Variants in PMS1 observed in about 807,000 individuals in gnomAD.
PMS1 encodes the protein PMS1 protein homolog 1.
Under a neutral mutation model 93.1 loss-of-function variants are expected in PMS1, and 79 were observed. The observed-to-expected ratio is 0.85, with a 90% CI of 0.71 to 1.02. The LOEUF is 1.02. PMS1 is among the 50% of genes least tolerant of loss of function. The pLI, the probability that PMS1 is intolerant of heterozygous loss-of-function variation, is 0.00. For synonymous variants in PMS1, 335 were observed against 363.4 expected, an observed-to-expected ratio of 0.92 and a Z score of 0.89; for missense variants, 1,064 against 1,085.3, an observed-to-expected ratio of 0.98 and a Z score of 0.28.
At chr2:189,828,887 GAAA>G (rs35103661) in intron 5 of PMS1, among the ~76,000 whole-genome samples, 1 of 117,854 alleles carries the variant, frequency 8.5e-6, no homozygotes. Flanking sequence ...GTGTGTCTCT[GAAA>G]AAAAAAAAAA....
chr2:189,876,673 A>T (rs184314715), intron 12 of PMS1, among the ~76,000 whole-genome samples: 1 of 152,000 alleles, frequency 6.6e-6, no homozygotes, highest in Non-Finnish European at 1.5e-5. Context: ...CAGTGGCATG[A>T]TCACAGCTCA....
chr2:189,865,470 A>T (rs2056571587), intron 10 of PMS1, among the ~76,000 whole-genome samples: 1 of 152,172 alleles, frequency 6.6e-6, no homozygotes, highest in African/African-American at 2.4e-5. Context: ...ATATTTCATC[A>T]CATCAAAAGG....
At chr2:189,824,088 T>A (rs147473455) in intron 5 of PMS1, among the ~76,000 whole-genome samples, 2 of 152,336 alleles carry the variant, frequency 1.3e-5, no homozygotes, top group Non-Finnish European at 2.9e-5. Context: ...TGTTCCTTTG[T>A]TAAAAACACC....
intron 5 of PMS1, among the ~76,000 whole-genome samples, chr2:189,826,800 C>T (rs2052469292): frequency 6.6e-6 from 1 of 152,082 alleles, no homozygotes; most frequent in African/African-American, 2.4e-5. Flanking sequence ...CATCTATATT[C>T]CCCTTAATAG....
At position 189,854,428 on chromosome 2, in the gene PMS1, T is replaced by A; in HGVS notation, c.1156T>A (p.Ser386Thr). ...AAAGAATTATTCAAATGTTGATACT[T>A]CAGTCATTCCATTCCAAAATGATAT... ...SGKNYSNVDT[S>T]VIPFQNDMHN... The change falls in exon 9 of 13, where the codon TCA becomes ACA. Residue 386 changes from serine to threonine, a missense_variant. Transcript: ENST00000441310. 1 of 1,608,320 alleles carries A rather than the reference T, an allele frequency of 6.2e-7. No individual in the cohort carries two copies. Among genetic ancestry groups the A allele is most frequent in the Non-Finnish European group, 8.5e-7 (1 of 1,175,916 alleles).
At chr2:189,872,845 A>C (rs2057271545) in intron 11 of PMS1, among the ~76,000 whole-genome samples, 2 of 152,212 alleles carry the variant, frequency 1.3e-5, no homozygotes, top group South Asian at 4.1e-4. Flanking sequence ...CATGTTGGAC[A>C]GGCTGGTCTC....
chr2:189,797,844 A>G (rs571870381), intron 3 of PMS1, among the ~76,000 whole-genome samples: 41 of 152,298 alleles, frequency 2.7e-4, no homozygotes, highest in Admixed American at 2.7e-3. Context: ...GTGCTGGCAT[A>G]GGATAGTGTA....
intron 6 of PMS1, among the ~76,000 whole-genome samples, chr2:189,852,274 C>G (rs1481142397): frequency 6.6e-6 from 1 of 151,378 alleles, no homozygotes; most frequent in Non-Finnish European, 1.5e-5. Context: ...TGGTTAAAGA[C>G]AAAAGGACAA....
At chr2:189,842,987 CATATATGTGTGTGTGTATATATAT>C in intron 5 of PMS1, among the ~76,000 whole-genome samples, 1 of 136,526 alleles carries the variant, frequency 7.3e-6, no homozygotes, top group Non-Finnish European at 1.6e-5. Flanking sequence ...TACACACACA[CATATATGTGTGTGTGTATATATAT>C]ATTTTTTTCT....
intron 5 of PMS1, among the ~76,000 whole-genome samples, chr2:189,818,795 G>A (rs1011231114): frequency 6.6e-6 from 1 of 152,010 alleles, no homozygotes; most frequent in South Asian, 2.1e-4. Context: ...TCCTTTTATC[G>A]GGTGCTGTGA....
At position 189,784,669 on chromosome 2, in the gene PMS1, T is replaced by C. The variant is rs72547267; in HGVS notation, c.-21+76T>C. The C allele has an allele frequency of 0.016, 2,490 of 152,426 alleles. 69 individuals are homozygous for C. Among genetic ancestry groups the C allele is most frequent in the African/African-American group, 0.057 (2,356 of 41,548 alleles). 9.4% of individuals were successfully genotyped at this position (152,426 alleles called of 1,614,324 possible). ...GCCCCGTCCCCTCTACTCGTCCTGG[T>C]CCGGGCGCGAACGCTATAGGGCAGC... On this transcript the variant is annotated intron_variant, in intron 1 of 12. Transcript: ENST00000441310.
chr2:189,860,429 GAAT>G (rs2055837986), intron 9 of PMS1, among the ~76,000 whole-genome samples: 1 of 151,754 alleles, frequency 6.6e-6, no homozygotes, highest in Non-Finnish European at 1.5e-5. Context: ...TTAAATCAAA[GAAT>G]AATATTCAGT....
chr2:189,837,494 C>T (rs1283456187), intron 5 of PMS1, among the ~76,000 whole-genome samples: 13 of 152,142 alleles, frequency 8.5e-5, no homozygotes, highest in Admixed American at 7.9e-4. Context: ...TTATTCAGAA[C>T]CTTATTTACT....
At chr2:189,864,690 ATATATATATATATATATATATATAT>A (rs2056471135) in intron 10 of PMS1, among the ~76,000 whole-genome samples, 1 of 8,392 alleles carries the variant, frequency 1.2e-4, no homozygotes, top group Non-Finnish European at 2.1e-4. Context: ...AAAAAAAAAT[ATATATATATATATATATATATATAT>A]ATATATATAT....
chr2:189,842,441 T>A (rs4920657), intron 5 of PMS1, among the ~76,000 whole-genome samples: 19,192 of 151,926 alleles, frequency 0.13, 1,957 homozygotes, highest in East Asian at 0.27. Context: ...TCTCAAGGGA[T>A]TTGACTGTAA....
chr2:189,810,838 C>T (rs900754335), intron 4 of PMS1, among the ~76,000 whole-genome samples: 4 of 152,022 alleles, frequency 2.6e-5, no homozygotes, highest in Admixed American at 1.3e-4. Context: ...AAAATATTTT[C>T]TTCTTTAGTA....
At chr2:189,840,292 G>A (rs976085026) in intron 5 of PMS1, among the ~76,000 whole-genome samples, 2 of 152,158 alleles carry the variant, frequency 1.3e-5, no homozygotes, top group African/African-American at 4.8e-5. Context: ...ACCAAAGTGA[G>A]GTGCAGAAAC....
chr2:189,872,916 G>A (rs1195284345), intron 11 of PMS1, among the ~76,000 whole-genome samples: 1 of 152,192 alleles, frequency 6.6e-6, no homozygotes, highest in African/African-American at 2.4e-5. Flanking sequence ...TTGCAGGTGT[G>A]AGCCACTATG....
At chr2:189,791,339 G>T (rs2048848750) in intron 1 of PMS1, among the ~76,000 whole-genome samples, 1 of 152,130 alleles carries the variant, frequency 6.6e-6, no homozygotes, top group African/African-American at 2.4e-5. Flanking sequence ...AAGACTTATG[G>T]CTGGGCGTGG....
Sources: gnomAD v4.1 joint callset for allele counts (sites outside exome capture counted in the v4.1 genomes callset) on GRCh38, gnomAD v4.1.1 for gene constraint, MANE v1.5 for transcripts, NCBI Gene and HGNC (gene_info 2026-07-23, HGNC 2026-07-21) for gene names.